Variants in GAS2 observed in about 807,000 individuals in gnomAD.
GAS2 encodes the protein growth arrest specific 2.
Under a neutral mutation model 37.5 loss-of-function variants are expected in GAS2, and 20 were observed. That is an observed-to-expected ratio of 0.53 (90% CI 0.37 to 0.77). The LOEUF (loss-of-function observed/expected upper bound fraction) is 0.77. Among genes scored for constraint, GAS2 ranks in the 30% least tolerant of loss-of-function variants. The pLI, the probability that GAS2 is intolerant of heterozygous loss-of-function variation, is 0.00. For missense variants in GAS2, 336 were observed against 373.4 expected (o/e 0.90, Z 0.82); for synonymous variants, 144 against 132.2 (o/e 1.09, Z -0.61).
chr11:22,649,429 C>A lies in GAS2; in HGVS notation c.-21+23616C>A, dbSNP rs931524837. On this transcript the variant is annotated intron_variant, in intron 1 of 5. Transcript: ENST00000528582. ...TTTGGTATCAGGATGATGCTGGCCT[C>A]ATAAAATGAGTTAGGGAGGATTCCG... Among the ~76,000 whole-genome samples the A allele has an allele frequency of 6.0e-3, 908 of 152,160 alleles. 3 individuals carry two copies. The highest frequency in any genetic ancestry group is 0.01 in the Non-Finnish European group (695 of 67,980).
At chr11:22,656,064 CCAAATT>C (rs1848850939) in intron 1 of GAS2, among the ~76,000 whole-genome samples, 1 of 151,948 alleles carries the variant, frequency 6.6e-6, no homozygotes, top group Admixed American at 6.6e-5. Flanking sequence ...AAACTGTGGA[CCAAATT>C]TATTCATGAA....
intron 3 of GAS2, chr11:22,702,170 A>G (rs1229474377): frequency 6.6e-6 from 1 of 152,190 alleles, no homozygotes; most frequent in Non-Finnish European, 1.5e-5. Flanking sequence ...CTGACTACCC[A>G]TACATTATCA....
In GAS2 at chr11:22,628,151, G is replaced by C. The variant is rs540988065; in HGVS notation, c.-21+2338G>C. Among the ~76,000 whole-genome samples, 84 of 152,216 alleles carry C rather than the reference G, an allele frequency of 5.5e-4. No homozygotes were observed. The South Asian group carries it at 0.011, about 20-fold the overall frequency. The stretch of plus-strand genomic sequence containing the variant: ...TATGAAGTTTCCCCCTCTAAAGAAA[G>C]AAAAGCCTAGCATTTCAACCTATAT... On this transcript the variant is annotated intron_variant, in intron 1 of 5. Coordinates refer to the GAS2 transcript ENST00000528582.
Position 22,811,779 on chromosome 11 carries a change from TG to T in GAS2, c.724-18del. The T allele has an allele frequency of 6.2e-7, 1 of 1,610,154 alleles. No individual in the cohort carries two copies. The highest frequency in any genetic ancestry group is 8.5e-7 in the Non-Finnish European group (1 of 1,176,452). ...AAGAATTCTCGGAATTTAACACTTTTGATATTTTTTCATTTCAGATGCTGCA... is the reference window on the plus strand; with the variant it reads ...AAGAATTCTCGGAATTTAACACTTTTATATTTTTTCATTTCAGATGCTGCA... On this transcript the variant is annotated intron_variant, in intron 7 of 7. Coordinates refer to ENST00000454584, the MANE Select transcript of GAS2 (RefSeq NM_001143830.3).
chr11:22,638,340 T>C (rs368024645), intron 1 of GAS2, among the ~76,000 whole-genome samples: 7 of 152,134 alleles, frequency 4.6e-5, no homozygotes, highest in African/African-American at 1.7e-4. Context: ...TTGTTGTTAT[T>C]ATTACAATTT....
At chr11:22,785,368 T>C (rs1362360298) in intron 7 of GAS2, among the ~76,000 whole-genome samples, 1 of 152,176 alleles carries the variant, frequency 6.6e-6, no homozygotes, top group African/African-American at 2.4e-5. Flanking sequence ...TTCACTCTGT[T>C]GCATTGTCCT....
intron 5 of GAS2, among the ~76,000 whole-genome samples, chr11:22,742,378 T>C (rs1853137068): frequency 6.6e-6 from 1 of 152,130 alleles, no homozygotes; most frequent in Non-Finnish European, 1.5e-5. Context: ...ATAGAGTTCA[T>C]GGAAACCAGA....
chr11:22,635,755 T>C (rs1009870671), intron 1 of GAS2, among the ~76,000 whole-genome samples: 3 of 152,212 alleles, frequency 2.0e-5, no homozygotes, highest in African/African-American at 7.2e-5. Context: ...TTCTGTGAGG[T>C]AGGATTTGGA....
intron 3 of GAS2, among the ~76,000 whole-genome samples, chr11:22,694,648 G>A (rs952535967): frequency 6.6e-6 from 1 of 152,104 alleles, no homozygotes; most frequent in African/African-American, 2.4e-5. Flanking sequence ...GTGCCATTTA[G>A]TGTGAGCTAT....
At chr11:22,725,996 G>A (rs1050373042) in intron 3 of GAS2, among the ~76,000 whole-genome samples, 6 of 152,038 alleles carry the variant, frequency 3.9e-5, no homozygotes, top group Non-Finnish European at 7.4e-5. Context: ...AGATGAAAGG[G>A]AAGGCCATAA....
rs1229220911 is a variant in GAS2, at chr11:22,789,424, A to ATATATATAAATATATATATATAT, written c.724-22374_724-22373insTATATATAAATATATATATATAT. Among the ~76,000 whole-genome samples the ATATATATAAATATATATATATAT allele has an allele frequency of 6.9e-4, 19 of 27,398 alleles. 3 individuals are homozygous for ATATATATAAATATATATATATAT. The highest frequency in any genetic ancestry group is 4.4e-3 in the African/African-American group (19 of 4,274). 18.0% of individuals were successfully genotyped at this position (27,398 alleles called of 152,430 possible). On this transcript the variant is annotated intron_variant, in intron 7 of 7. Coordinates refer to ENST00000454584, the MANE Select transcript of GAS2 (RefSeq NM_001143830.3). ...TGTGTATGTGTGTGTATCTCATATG[A>ATATATATAAATATATATATATAT]GATATATATATATATATATATATAT...
intron 3 of GAS2, among the ~76,000 whole-genome samples, chr11:22,708,167 AG>A (rs1310850837): frequency 6.6e-6 from 1 of 152,192 alleles, no homozygotes; most frequent in East Asian, 1.9e-4. Flanking sequence ...TATGATGATT[AG>A]GGGACAGAAC....
chr11:22,690,000 G>C (rs1470589833), intron 3 of GAS2, among the ~76,000 whole-genome samples: 1 of 152,172 alleles, frequency 6.6e-6, no homozygotes, highest in African/African-American at 2.4e-5. Flanking sequence ...TGACAAACTT[G>C]ATCCCATCCA....
chr11:22,634,890 A>G (rs1289277442), intron 1 of GAS2, among the ~76,000 whole-genome samples: 2 of 152,226 alleles, frequency 1.3e-5, no homozygotes, highest in African/African-American at 4.8e-5. Flanking sequence ...CTGTAGTAGT[A>G]ATATGCTGGT....
chr11:22,760,503 GT>G (rs1298165619), intron 7 of GAS2, among the ~76,000 whole-genome samples: 1 of 152,164 alleles, frequency 6.6e-6, no homozygotes, highest in African/African-American at 2.4e-5. Context: ...GGGATTCAGT[GT>G]ACCAACAACG....
chr11:22,681,603 A>T (rs904475456), intron 2 of GAS2, among the ~76,000 whole-genome samples: 1 of 152,142 alleles, frequency 6.6e-6, no homozygotes, highest in Non-Finnish European at 1.5e-5. Context: ...AACCACAATG[A>T]AATGCTGAGG....
chr11:22,729,797 A>C (rs937308936), intron 4 of GAS2, among the ~76,000 whole-genome samples: 4 of 149,912 alleles, frequency 2.7e-5, no homozygotes, highest in Non-Finnish European at 5.9e-5. Flanking sequence ...CTAAATTAAG[A>C]AAATTATATA....
chr11:22,731,264 T>A, intron 4 of GAS2: 1 of 396,474 alleles, frequency 2.5e-6, no homozygotes, highest in Admixed American at 2.8e-5. Flanking sequence ...GGAAGTATTT[T>A]AAAAATACAC....
intron 1 of GAS2, among the ~76,000 whole-genome samples, chr11:22,654,377 C>G (rs1848832166): frequency 1.3e-5 from 2 of 151,450 alleles, no homozygotes; most frequent in South Asian, 4.2e-4. Flanking sequence ...CCTTCCCTCC[C>G]TCCCTCTCTT....
Sources: allele counts gnomAD v4.1 joint callset (sites outside exome capture counted in the v4.1 genomes callset), GRCh38; gene constraint gnomAD v4.1.1; transcripts MANE v1.5; gene names NCBI Gene and HGNC (gene_info 2026-07-23, HGNC 2026-07-21).